DNAI4: variants seen among roughly 807,000 people sequenced by gnomAD.
The protein encoded by DNAI4 is WD repeat domain 78.
DNAI4 carries 85 observed loss-of-function variants against 105.8 expected under a neutral mutation model. The ratio of observed to expected loss-of-function variants is 0.80; its 90% CI spans 0.67 to 0.96. The LOEUF (loss-of-function observed/expected upper bound fraction) is 0.96, where lower values mean the gene tolerates loss of function less well. Among genes scored for constraint, DNAI4 ranks in the 40% least tolerant of loss-of-function variants. The probability of loss-of-function intolerance (pLI) is 0.00; values close to 1 mark genes in which losing one functional copy is unlikely to be tolerated. For missense variants in DNAI4, 1,014 were observed against 1,005.6 expected (o/e 1.01, Z -0.11); for synonymous variants, 352 against 331.5 (o/e 1.06, Z -0.67).
At chr1:66,846,569 G>A (rs561670806) in intron 8 of DNAI4, among the ~76,000 whole-genome samples, 1 of 152,276 alleles carries the variant, frequency 6.6e-6, no homozygotes, top group Non-Finnish European at 1.5e-5. Flanking sequence ...AACTTTTAGA[G>A]TCTCCAAAGC....
At chr1:66,844,101 A>AAC (rs1646216857) in intron 8 of DNAI4, among the ~76,000 whole-genome samples, 1 of 149,236 alleles carries the variant, frequency 6.7e-6, no homozygotes, top group South Asian at 2.2e-4. Context: ...AAAAAAAAAA[A>AAC]AAAAAACTTT....
chr1:66,826,632 C>T (rs1410613029), intron 15 of DNAI4, among the ~76,000 whole-genome samples, 188 bp downstream of exon 15: 1 of 152,118 alleles, frequency 6.6e-6, no homozygotes, highest in African/African-American at 2.4e-5. Context: ...ACTTTTAAAA[C>T]CACATATGGT....
At chr1:66,816,746 C>T (rs1022470733) in intron 16 of DNAI4, among the ~76,000 whole-genome samples, 53 of 150,706 alleles carry the variant, frequency 3.5e-4, no homozygotes, top group Non-Finnish European at 5.3e-4. Flanking sequence ...CACACACACA[C>T]ACACACACAC....
intron 16 of DNAI4, among the ~76,000 whole-genome samples, chr1:66,815,404 T>G (rs1645495428): frequency 6.6e-6 from 1 of 152,208 alleles, no homozygotes. Flanking sequence ...GAATAATAAA[T>G]CAATGGTTTA....
Position 66,860,286 on chromosome 1 carries a change from G to A in DNAI4, c.1096+1861C>T, listed in dbSNP as rs542167275. Among the ~76,000 whole-genome samples the A allele has an allele frequency of 6.1e-4, 93 of 151,954 alleles. No individual in the cohort carries two copies. The South Asian group carries it at 6.4e-3, about 11-fold the overall frequency. ...CCCCCTTGAGTATGATAAATAGAAG[G>A]TTAAATGCAACTTGTATAATACATT... On this transcript the variant is annotated intron_variant, in intron 7 of 16. Transcript: ENST00000371026.
At chr1:66,906,402 G>T (rs947272634) in intron 1 of DNAI4, among the ~76,000 whole-genome samples, 1 of 152,006 alleles carries the variant, frequency 6.6e-6, no homozygotes, top group African/African-American at 2.4e-5. Flanking sequence ...ATAAAAATAT[G>T]CTTCCAAAGA....
intron 5 of DNAI4, among the ~76,000 whole-genome samples, chr1:66,871,917 G>C (rs1164572630): frequency 6.6e-6 from 1 of 152,142 alleles, no homozygotes; most frequent in Non-Finnish European, 1.5e-5. Flanking sequence ...ACTGTGGCCA[G>C]AAATTTTCAT....
intron 15 of DNAI4, among the ~76,000 whole-genome samples, chr1:66,824,825 C>T (rs909949250): frequency 6.6e-6 from 1 of 152,294 alleles, no homozygotes; most frequent in African/African-American, 2.4e-5. Flanking sequence ...TTGAATAAAG[C>T]TGATTACCCT....
chr1:66,886,936 C>G (rs763298448), intron 4 of DNAI4, among the ~76,000 whole-genome samples: 7 of 151,836 alleles, frequency 4.6e-5, no homozygotes, highest in Non-Finnish European at 8.8e-5. Flanking sequence ...GGCAAATTTC[C>G]CCCACCCCCC....
At chr1:66,905,522 A>G (rs544791937) in intron 1 of DNAI4, 147 bp from the exon 2 acceptor site, 1 of 491,480 alleles carries the variant, frequency 2.0e-6, no homozygotes, top group East Asian at 3.4e-5. Context: ...AAATCTTATT[A>G]TGTATAAACA....
intron 4 of DNAI4, among the ~76,000 whole-genome samples, chr1:66,889,981 G>A (rs1026553510): frequency 6.6e-6 from 1 of 152,104 alleles, no homozygotes; most frequent in African/African-American, 2.4e-5. Context: ...ATGTTATTAT[G>A]GAACTGATCA....
At chr1:66,924,514 G>T in intron 1 of DNAI4, 148 bp downstream of exon 1, 1 of 1,086,664 alleles carries the variant, frequency 9.2e-7, no homozygotes, top group Non-Finnish European at 1.3e-6. Flanking sequence ...CGATAAAGGA[G>T]ACATTGTGGC....
At chr1:66,847,808 T>C in intron 7 of DNAI4, 130 bp from the exon 8 acceptor site, 1 of 714,534 alleles carries the variant, frequency 1.4e-6, no homozygotes, top group Non-Finnish European at 2.3e-6. Context: ...TTAATAGACA[T>C]TTATTGAATA....
chr1:66,819,704 T>C (rs911471185), intron 16 of DNAI4, among the ~76,000 whole-genome samples: 9 of 152,134 alleles, frequency 5.9e-5, no homozygotes, highest in African/African-American at 2.2e-4. Flanking sequence ...CAAATACGTA[T>C]ATACATTTGA....
intron 7 of DNAI4, among the ~76,000 whole-genome samples, chr1:66,856,101 G>A (rs1042258648): frequency 6.6e-6 from 1 of 151,694 alleles, no homozygotes; most frequent in East Asian, 1.9e-4. Flanking sequence ...CTCCCAAAGT[G>A]CTGGGATTAC....
intron 13 of DNAI4, among the ~76,000 whole-genome samples, chr1:66,832,990 G>C (rs1302789345): frequency 6.6e-6 from 1 of 152,138 alleles, no homozygotes; most frequent in Non-Finnish European, 1.5e-5. Context: ...TTAGGTTTCT[G>C]TAAGTATGAT....
chr1:66,912,691 C>T (rs954351542), intron 1 of DNAI4, among the ~76,000 whole-genome samples: 6 of 152,128 alleles, frequency 3.9e-5, no homozygotes, highest in South Asian at 2.1e-4. Flanking sequence ...GGCTGAGTCA[C>T]GGGCGCGCAT....
intron 6 of DNAI4, among the ~76,000 whole-genome samples, chr1:66,867,514 A>G (rs1419059822): frequency 6.6e-6 from 1 of 151,930 alleles, no homozygotes; most frequent in Non-Finnish European, 1.5e-5. Flanking sequence ...TTATCTTCCA[A>G]ACATTTTATT....
rs1425451558 is a variant in DNAI4 at position 66,905,314 on chromosome 1, C to T, written c.232G>A (p.Val78Met). The T allele has an allele frequency of 4.6e-6, 7 of 1,533,312 alleles. No homozygotes were observed. The highest frequency in any genetic ancestry group is 6.2e-6 in the Non-Finnish European group (7 of 1,128,390). 95.0% of individuals were successfully genotyped at this position (1,533,312 alleles called of 1,614,324 possible). ...TGATTTGCACCAGTATATCCTTTCA[C>T]TGAAGTTGCTTTCATTGTAGCAAAA... The part of the protein sequence containing the change: ...SFFATMKATS[V>M]KGYTGANQSR... Residue 78 changes from valine to methionine, a missense_variant, in exon 2 of 17, where the codon GTG becomes ATG. Transcript: ENST00000371026.
Sources: allele counts gnomAD v4.1 joint callset (sites outside exome capture counted in the v4.1 genomes callset), GRCh38; gene constraint gnomAD v4.1.1; transcripts MANE v1.5; gene names NCBI Gene and HGNC (gene_info 2026-07-23, HGNC 2026-07-21).